The following RSF1 variants were observed in gnomAD, a reference collection of about 807,000 sequenced individuals.
RSF1 encodes the protein HBV pX-associated protein 8.
In RSF1, 13 loss-of-function variants were observed where a neutral mutation model predicts 145.2. That is an observed-to-expected ratio of 0.09 (90% confidence interval 0.06 to 0.14). The LOEUF (loss-of-function observed/expected upper bound fraction) is 0.14, where lower values mean the gene tolerates loss of function less well. RSF1 is among the 10% of genes least tolerant of loss of function. The pLI is 1.00. For missense variants in RSF1, 1,517 were observed against 1,718.2 expected (o/e 0.88, Z 2.07); for synonymous variants, 577 against 592.6 (o/e 0.97, Z 0.38).
chr11:77,712,326 C>G (rs1960707522), intron 5 of RSF1, among the ~76,000 whole-genome samples: 1 of 152,216 alleles, frequency 6.6e-6, no homozygotes, highest in African/African-American at 2.4e-5. Context: ...TCTCCTTTGC[C>G]TTCCACCATG....
At chr11:77,684,207 T>A (rs17135807) in intron 10 of RSF1, among the ~76,000 whole-genome samples, 27,368 of 152,160 alleles carry the variant, frequency 0.18, 3,115 homozygotes, top group African/African-American at 0.31. Flanking sequence ...TTGACAGGCC[T>A]TTTAAGCTTG....
rs1959222517 is a variant in RSF1, at chr11:77,660,593, T to C, written c.*6324A>G. 6.6e-6 allele frequency: 1 copy of C among 152,184 alleles called. No homozygotes were observed. Among genetic ancestry groups the C allele is most frequent in the African/African-American group, 2.4e-5 (1 of 41,452 alleles). 9.4% of individuals were successfully genotyped at this position (152,184 alleles called of 1,614,324 possible). On this transcript the variant is annotated 3_prime_UTR_variant, in exon 16 of 16. Coordinates refer to ENST00000308488, the MANE Select transcript of RSF1 (RefSeq NM_016578.4). ...TCTGAGAACCTATTCCAGGAATATT[T>C]TTTTTAACGCATAGGAAAATAAAGC...
At chr11:77,820,471 G>A (rs1212412487) in intron 1 of RSF1, 57 bp downstream of exon 1, 12 of 1,506,542 alleles carry the variant, frequency 8.0e-6, no homozygotes, top group Middle Eastern at 2.4e-4. Context: ...TGTGAAGAGC[G>A]GAGAGTAGCA....
intron 1 of RSF1, among the ~76,000 whole-genome samples, chr11:77,802,185 A>T: frequency 6.6e-6 from 1 of 152,136 alleles, no homozygotes; most frequent in Non-Finnish European, 1.5e-5. Flanking sequence ...AACAGAAGTA[A>T]AGTGTTTCCC....
At chr11:77,825,698 G>GT (rs1250441260), upstream of RSF1, among the ~76,000 whole-genome samples, 748 of 139,126 alleles carry the variant, frequency 5.4e-3, no homozygotes, top group African/African-American at 0.011. Context: ...CATTTTTTTT[G>GT]TTTTTTTTTT....
chr11:77,862,642 G>A, the RSF1 span, among the ~76,000 whole-genome samples: 27 of 152,266 alleles, frequency 1.8e-4, no homozygotes, highest in African/African-American at 5.5e-4. Flanking sequence ...AGGTAGACTC[G>A]AGGGCTTCCT....
chr11:77,865,452 G>C, the RSF1 span, among the ~76,000 whole-genome samples: 1 of 152,188 alleles, frequency 6.6e-6, no homozygotes, highest in African/African-American at 2.4e-5. Flanking sequence ...GCTCTAACTT[G>C]CAAGGAAGAG....
chr11:77,769,795 C>T (rs1473756838), intron 1 of RSF1, among the ~76,000 whole-genome samples: 1 of 152,202 alleles, frequency 6.6e-6, no homozygotes, highest in Non-Finnish European at 1.5e-5. Context: ...AACGGCTAAA[C>T]ACATTAATTC....
intron 4 of RSF1, among the ~76,000 whole-genome samples, chr11:77,738,263 AT>A (rs1183418761): frequency 6.6e-6 from 1 of 152,256 alleles, no homozygotes; most frequent in Non-Finnish European, 1.5e-5. Flanking sequence ...AGGAAGTATT[AT>A]CACTTTCATT....
intron 7 of RSF1, among the ~76,000 whole-genome samples, chr11:77,695,112 T>C (rs1960250405): frequency 6.6e-6 from 1 of 152,182 alleles, no homozygotes; most frequent in Admixed American, 6.5e-5. Context: ...TCAAGATAAA[T>C]GCAACCCACA....
At chr11:77,799,237 C>T (rs1231459469) in intron 1 of RSF1, among the ~76,000 whole-genome samples, 1 of 151,828 alleles carries the variant, frequency 6.6e-6, no homozygotes, top group Non-Finnish European at 1.5e-5. Context: ...AGGCAGGGTG[C>T]AGTGGCTCAC....
intron 5 of RSF1, among the ~76,000 whole-genome samples, chr11:77,717,532 T>C (rs1386181102): frequency 6.6e-6 from 1 of 152,218 alleles, no homozygotes; most frequent in Admixed American, 6.5e-5. Flanking sequence ...CCAAGTGTTG[T>C]CTGTAGTAGT....
Position 77,701,299 on chromosome 11 carries a change from C to T in RSF1, c.1930G>A (p.Glu644Lys), listed in dbSNP as rs140281656. The part of the protein sequence containing the change: ...IIDHCEKLAS[E>K]KEVVECQSTS... ...CTCTGGCATTCTACCACTTCTTTTT[C>T]TGAGGCTAGTTTCTCACAGTGGTCA... Residue 644 changes from glutamate to lysine, a missense_variant, in exon 6 of 16, where the codon GAA becomes AAA. Around this residue, in one of 12 missense-constraint regions of RSF1, gnomAD observed 579 missense variants for 553.5 expected, o/e 1.05. Transcript: ENST00000308488. The T allele has an allele frequency of 6.8e-3, 10,978 of 1,614,086 alleles. 46 individuals are homozygous for T. Among genetic ancestry groups the T allele is most frequent in the Non-Finnish European group, 7.7e-3 (9,132 of 1,180,020 alleles).
rs752531268 is a variant in RSF1 at position 77,702,427 on chromosome 11, C to G, written c.802G>C (p.Ala268Pro). Residue 268 changes from alanine (A) to proline (P), a missense_variant, in exon 6 of 16, where the codon GCC becomes CCC. Physicochemically the swap from Ala to Pro is conservative, Grantham distance 27. Transcript: ENST00000308488. The part of the protein sequence containing the change: ...QPMDLENRST[A>P]NVLEETTVKK... ...ACAGTAGTCTCTTCTAGAACATTGG[C>G]TGTAGAACGGTTTTCTAAATCCATA... The G allele has an allele frequency of 6.3e-7, 1 of 1,585,870 alleles. No homozygotes were observed. Among genetic ancestry groups the G allele is most frequent in the South Asian group, 1.2e-5 (1 of 83,980 alleles).
intron 10 of RSF1, 37 bp from the exon 11 acceptor site, chr11:77,683,856 T>G: frequency 6.8e-7 from 1 of 1,470,836 alleles, no homozygotes; most frequent in Admixed American, 1.8e-5. Flanking sequence ...AGGTTATTCC[T>G]TATGCAGAAC....
the RSF1 span, among the ~76,000 whole-genome samples, chr11:77,864,864 C>T: frequency 6.6e-6 from 1 of 152,252 alleles, no homozygotes; most frequent in African/African-American, 2.4e-5. Flanking sequence ...GTATTCCCAG[C>T]TACTTGGGAG....
At chr11:77,687,007 C>G (rs1407331713) in intron 9 of RSF1, among the ~76,000 whole-genome samples, 1 of 152,124 alleles carries the variant, frequency 6.6e-6, no homozygotes, top group African/African-American at 2.4e-5. Flanking sequence ...CTCTAAGCTG[C>G]TAGGATGAAT....
intron 5 of RSF1, among the ~76,000 whole-genome samples, chr11:77,713,393 C>CTACATGTTTTA (rs1960731822): frequency 1.3e-5 from 2 of 152,020 alleles, no homozygotes; most frequent in African/African-American, 4.8e-5. Flanking sequence ...TGGAATAAAG[C>CTACATGTTTTA]ACTGATGTCA....
At chr11:77,712,235 G>A (rs1960704223) in intron 5 of RSF1, among the ~76,000 whole-genome samples, 1 of 152,184 alleles carries the variant, frequency 6.6e-6, no homozygotes, top group African/African-American at 2.4e-5. Context: ...TAGTGAATAA[G>A]TCTCAGGAGA....
Sources: allele counts gnomAD v4.1 joint callset (sites outside exome capture counted in the v4.1 genomes callset), GRCh38; gene constraint gnomAD v4.1.1; regional missense constraint gnomAD v4.1.1; transcripts MANE v1.5; gene names NCBI Gene and HGNC (gene_info 2026-07-23, HGNC 2026-07-21).